VAPB: variants seen among roughly 807,000 people sequenced by gnomAD.
The protein encoded by VAPB is VAMP associated protein B and C.
VAPB carries 7 observed loss-of-function variants against 25.6 expected under a neutral mutation model. That is an observed-to-expected ratio of 0.27 (90% CI 0.16 to 0.51). The LOEUF is 0.51. Among genes scored for constraint, VAPB ranks in the 20% least tolerant of loss-of-function variants. The pLI, the probability that VAPB is intolerant of heterozygous loss-of-function variation, is 0.97. For synonymous variants in VAPB, 112 were observed against 109.2 expected, an observed-to-expected ratio of 1.03 and a Z score of -0.16; for missense variants, 266 against 301.3, an observed-to-expected ratio of 0.88 and a Z score of 0.87.
Position 58,433,663 on chromosome 20 carries a change from C to A in VAPB, c.212-939C>A, listed in dbSNP as rs7272451. Among the ~76,000 whole-genome samples, 737 of 152,206 alleles carry A rather than the reference C, an allele frequency of 4.8e-3. 6 individuals carry two copies. Among genetic ancestry groups the A allele is most frequent in the African/African-American group, 0.017 (689 of 41,520 alleles). ...GTGAAAAGTAGACACCAGAATAGCCCCTCTCCCCCAACAATAGTACCTACT... is the reference window on the plus strand; with the variant it reads ...GTGAAAAGTAGACACCAGAATAGCCACTCTCCCCCAACAATAGTACCTACT... On this transcript the variant is annotated intron_variant, in intron 2 of 5. Coordinates refer to ENST00000475243, the MANE Select transcript of VAPB (RefSeq NM_004738.5).
intron 4 of VAPB, chr20:58,440,395 A>T (rs1989134639): frequency 6.2e-6 from 1 of 160,888 alleles, no homozygotes; most frequent in Non-Finnish European, 1.4e-5. Flanking sequence ...TAAGGGGAGT[A>T]TGTAACTTCC....
chr20:58,403,122 A>G (rs2268924), intron 1 of VAPB, among the ~76,000 whole-genome samples: 50,932 of 152,040 alleles, frequency 0.33, 8,860 homozygotes, highest in African/African-American at 0.35. Context: ...ATGTAGACAC[A>G]GTGCATTTTG....
chr20:58,443,407 T>TTTG (rs1469998323), intron 5 of VAPB, among the ~76,000 whole-genome samples: 1 of 149,572 alleles, frequency 6.7e-6, no homozygotes, highest in Non-Finnish European at 1.5e-5. Flanking sequence ...GGTTTTTTTT[T>TTTG]TTTTTTTTTT....
At chr20:58,440,528 C>G (rs1469015626) in intron 4 of VAPB, 2 of 248,698 alleles carry the variant, frequency 8.0e-6, no homozygotes, top group Admixed American at 1.0e-4. Context: ...CCCACTAAGG[C>G]AATCCTAGGG....
intron 1 of VAPB, among the ~76,000 whole-genome samples, chr20:58,414,610 C>G (rs1158169654): frequency 6.6e-6 from 1 of 151,540 alleles, no homozygotes; most frequent in African/African-American, 2.4e-5. Flanking sequence ...GAGGCGCTCC[C>G]CACATCTCAG....
intron 4 of VAPB, 88 bp downstream of exon 4, chr20:58,439,113 G>A: frequency 7.8e-7 from 1 of 1,289,452 alleles, no homozygotes; most frequent in Non-Finnish European, 1.1e-6. Flanking sequence ...GATTTAAGTT[G>A]GCAAATTATT....
chr20:58,428,141 C>T (rs1988848314), intron 2 of VAPB, among the ~76,000 whole-genome samples: 1 of 152,230 alleles, frequency 6.6e-6, no homozygotes, highest in African/African-American at 2.4e-5. Context: ...AGTAGCGTAT[C>T]TTCTGTGTTT....
chr20:58,417,656 A>G lies in VAPB; in HGVS notation c.59-555A>G, dbSNP rs191300812. ...GTGATACTAAGTTTTCTGTAGCAAC[A>G]CTATAATGTTGAGAGTTACTGTGTT... On this transcript the variant is annotated intron_variant, in intron 1 of 5. Transcript: ENST00000475243. 4.0e-4 allele frequency among the ~76,000 whole-genome samples: 61 copies of G among 152,306 alleles called. 1 individual carries two copies. Among genetic ancestry groups the G allele is most frequent in the Non-Finnish European group, 1.5e-4 (10 of 68,032 alleles).
chr20:58,413,357 A>G (rs1988428188), intron 1 of VAPB, among the ~76,000 whole-genome samples: 1 of 151,648 alleles, frequency 6.6e-6, no homozygotes, highest in African/African-American at 2.4e-5. Flanking sequence ...ACTCTTAACG[A>G]GCATGCTGCC....
At chr20:58,399,296 G>A (rs1212899292) in intron 1 of VAPB, among the ~76,000 whole-genome samples, 5 of 148,492 alleles carry the variant, frequency 3.4e-5, no homozygotes, top group African/African-American at 5.0e-5. Flanking sequence ...GCAAAACTCC[G>A]TCTCAAAAAA....
Position 58,446,437 on chromosome 20 carries a change from A to T in VAPB, c.*2202A>T, listed in dbSNP as rs555882414. 2.2e-6 allele frequency: 1 copy of T among 454,114 alleles called. No individual in the cohort carries two copies. The highest frequency in any genetic ancestry group is 4.4e-6 in the Non-Finnish European group (1 of 226,788). The allele number at this position is 454,114 out of a possible 1,614,324, so 28.1% of individuals were successfully genotyped here. ...TCCCATTACACTAGAGCAGGGCTCT[A>T]TTTATTTTTAAAGGATATGGCCGTG... On this transcript the variant is annotated 3_prime_UTR_variant, in exon 6 of 6. Coordinates refer to ENST00000475243, the MANE Select transcript of VAPB (RefSeq NM_004738.5).
At position 58,450,714 on chromosome 20, in the gene VAPB, A is replaced by G. The variant is rs1436098273; in HGVS notation, c.*6479A>G. 2 of 453,782 alleles carry G rather than the reference A, an allele frequency of 4.4e-6. No homozygotes were observed. The highest frequency in any genetic ancestry group is 4.0e-5 in the African/African-American group (2 of 49,956). The allele number at this position is 453,782 out of a possible 1,614,324, so 28.1% of individuals were successfully genotyped here. A position where few individuals can be genotyped will look rare whatever the true frequency, so the allele number is the denominator to read the frequency against. The stretch of plus-strand genomic sequence containing the variant: ...TCTGATGTGTGTGTTTATAGTCTTC[A>G]ATGTATGTTAACATGTTAGGAACTG... On this transcript the variant is annotated 3_prime_UTR_variant, in exon 6 of 6. Coordinates refer to ENST00000475243, the MANE Select transcript of VAPB (RefSeq NM_004738.5).
At chr20:58,443,862 G>A (rs1014734392) in intron 5 of VAPB, among the ~76,000 whole-genome samples, 1 of 152,134 alleles carries the variant, frequency 6.6e-6, no homozygotes, top group Non-Finnish European at 1.5e-5. Context: ...AGCAGCAAGT[G>A]GAATGGATGA....
In VAPB at chr20:58,448,622, G is replaced by C. The variant is rs945175668; in HGVS notation, c.*4387G>C. 4.4e-6 allele frequency: 2 copies of C among 453,962 alleles called. No individual in the cohort carries two copies. The highest frequency in any genetic ancestry group is 8.8e-6 in the Non-Finnish European group (2 of 226,788). 28.1% of individuals were successfully genotyped at this position (453,962 alleles called of 1,614,324 possible). A position where few individuals can be genotyped will look rare whatever the true frequency, so the allele number is the denominator to read the frequency against. Reference sequence around the variant, plus strand: ...AAAATCTGCTTCAGGGAAGTGAGTGGATGAGGCCTTCCTGCCTCAGCTACT... The same window carrying C: ...AAAATCTGCTTCAGGGAAGTGAGTGCATGAGGCCTTCCTGCCTCAGCTACT... On this transcript the variant is annotated 3_prime_UTR_variant, in exon 6 of 6. Transcript: ENST00000475243.
intron 1 of VAPB, among the ~76,000 whole-genome samples, chr20:58,415,081 G>T (rs28420379): frequency 7.3e-6 from 1 of 136,368 alleles, no homozygotes; most frequent in Non-Finnish European, 1.6e-5. Context: ...AGGCGTGGCG[G>T]CGCGAGCCTG....
In VAPB at chr20:58,418,230, C is replaced by T. The variant is rs2123058654; in HGVS notation, c.78C>T (p.Val26=). ...LKFRGPFTDV[V]TTNLKLGNPT... ...CTACAGGTCCCTTCACCGATGTTGT[C>T]ACCACCAACCTAAAGCTTGGCAACC... The change falls in exon 2 of 6, where the codon GTC becomes GTT. Residue 26 remains valine, a synonymous_variant. Transcript: ENST00000475243. 1 of 1,614,162 alleles carries T rather than the reference C, an allele frequency of 6.2e-7. No homozygotes were observed. Among genetic ancestry groups the T allele is most frequent in the Non-Finnish European group, 8.5e-7 (1 of 1,180,030 alleles).
intron 2 of VAPB, among the ~76,000 whole-genome samples, chr20:58,432,121 A>G: frequency 6.6e-6 from 1 of 152,136 alleles, no homozygotes; most frequent in Non-Finnish European, 1.5e-5. Context: ...CTCTGGACAC[A>G]GTGCTCTTGG....
rs1332628545 is a variant in VAPB at position 58,446,175 on chromosome 20, C to T, written c.*1940C>T. 5 of 454,000 alleles carry T rather than the reference C, an allele frequency of 1.1e-5. No individual in the cohort carries two copies. Among genetic ancestry groups the T allele is most frequent in the African/African-American group, 2.0e-5 (1 of 50,010 alleles). The allele number at this position is 454,000 out of a possible 1,614,324, so 28.1% of individuals were successfully genotyped here. A position where few individuals can be genotyped will look rare whatever the true frequency, so the allele number is the denominator to read the frequency against. The stretch of plus-strand genomic sequence containing the variant: ...GTTGAGTGTGCAGACAGGGAGGCCA[C>T]CCCAATAGGAATTCGTCTCCAGGAT... On this transcript the variant is annotated 3_prime_UTR_variant, in exon 6 of 6. Coordinates refer to ENST00000475243, the MANE Select transcript of VAPB (RefSeq NM_004738.5).
intron 1 of VAPB, among the ~76,000 whole-genome samples, chr20:58,414,394 G>A (rs1454508137): frequency 6.6e-6 from 1 of 151,070 alleles, no homozygotes; most frequent in Non-Finnish European, 1.5e-5. Flanking sequence ...CAGACGGGGT[G>A]GCCGCCGGGC....
Sources: allele counts gnomAD v4.1 joint callset (sites outside exome capture counted in the v4.1 genomes callset), GRCh38; gene constraint gnomAD v4.1.1; transcripts MANE v1.5; gene names NCBI Gene and HGNC (gene_info 2026-07-23, HGNC 2026-07-21).